CRYBG1: variants seen among roughly 807,000 people sequenced by gnomAD.
CRYBG1 encodes crystallin beta-gamma domain containing 1.
Under a neutral mutation model 189.2 loss-of-function variants are expected in CRYBG1, and 139 were observed. That is an observed-to-expected ratio of 0.73 (90% CI 0.64 to 0.85). The LOEUF (loss-of-function observed/expected upper bound fraction) is 0.85, where lower values mean the gene tolerates loss of function less well. Among genes scored for constraint, CRYBG1 ranks in the 40% least tolerant of loss-of-function variants. The pLI is 0.00. For missense variants in CRYBG1, 2,611 were observed against 2,675.8 expected, an observed-to-expected ratio of 0.98 and a Z score of 0.53; for synonymous variants, 1,023 against 1,017.1, an observed-to-expected ratio of 1.01 and a Z score of -0.11.
intron 13 of CRYBG1, 76 bp from the exon 14 acceptor site, chr6:106,551,776 T>C: frequency 6.9e-7 from 1 of 1,445,704 alleles, no homozygotes; most frequent in Non-Finnish European, 9.6e-7. Flanking sequence ...TTCTGTATGA[T>C]ACATAGATAT....
At chr6:106,560,571 C>T (rs1284598538) in intron 18 of CRYBG1, among the ~76,000 whole-genome samples, 3 of 152,152 alleles carry the variant, frequency 2.0e-5, no homozygotes, top group African/African-American at 7.2e-5. Context: ...AAAAAACTTA[C>T]CTATTTCTCT....
At chr6:106,517,622 C>G (rs1004016761) in intron 3 of CRYBG1, among the ~76,000 whole-genome samples, 3 of 151,932 alleles carry the variant, frequency 2.0e-5, no homozygotes, top group African/African-American at 7.2e-5. Context: ...GAGTGGACAG[C>G]CCCATCCTCA....
intron 1 of CRYBG1, among the ~76,000 whole-genome samples, chr6:106,447,570 A>C (rs1167250905): frequency 6.5e-5 from 9 of 138,822 alleles, no homozygotes; most frequent in South Asian, 2.4e-4. Flanking sequence ...ATATATATAT[A>C]TATCTACTAT....
chr6:106,486,049 G>A lies in CRYBG1; in HGVS notation c.313-25381G>A, dbSNP rs189581046. Among the ~76,000 whole-genome samples, 6 of 152,170 alleles carry A rather than the reference G, an allele frequency of 3.9e-5. No individual in the cohort carries two copies. The East Asian group carries it at 1.2e-3, about 29-fold the overall frequency. ...TCTAGTTCACTGGGGTACATGGTTA[G>A]GTTATTTATTAGAAATCTTTCCTCT... On this transcript the variant is annotated intron_variant, in intron 2 of 21. Coordinates refer to ENST00000633556, the MANE Select transcript of CRYBG1 (RefSeq NM_001371242.2).
rs566605436 is a variant in CRYBG1 at position 106,514,699 on chromosome 6, C to G, written c.1922+1660C>G. 3.7e-3 allele frequency among the ~76,000 whole-genome samples: 559 copies of G among 152,310 alleles called. 3 individuals carry two copies. Among genetic ancestry groups the G allele is most frequent in the African/African-American group, 0.012 (513 of 41,566 alleles). On this transcript the variant is annotated intron_variant, in intron 3 of 21. Coordinates refer to ENST00000633556, the MANE Select transcript of CRYBG1 (RefSeq NM_001371242.2). ...CAATTAGAAGACACCAGTAGAAAAACCAGAAATGTTACACTGTGAAATAGT... is the reference window on the plus strand; with the variant it reads ...CAATTAGAAGACACCAGTAGAAAAAGCAGAAATGTTACACTGTGAAATAGT...
In CRYBG1 at chr6:106,519,439, T is replaced by A; in HGVS notation, c.2231T>A (p.Val744Asp). The A allele has an allele frequency of 6.2e-7, 1 of 1,614,006 alleles. No individual in the cohort carries two copies. Among genetic ancestry groups the A allele is most frequent in the Non-Finnish European group, 8.5e-7 (1 of 1,180,020 alleles). ...MPNSPQNGVL[V>D]KETAIETKVT... ...AACAGTCCCCAGAATGGTGTGCTGG[T>A]TAAGGAAACTGCTATAGAAACCAAA... is the stretch of plus-strand genomic sequence containing the variant. Residue 744 changes from valine (V) to aspartate (D), a missense_variant, in exon 4 of 22, where the codon GTT becomes GAT. By Grantham distance (152) the Val-to-Asp change is radical. Transcript: ENST00000633556.
Position 106,512,304 on chromosome 6 carries a change from T to C in CRYBG1, c.1187T>C (p.Ile396Thr), listed in dbSNP as rs1426258573. ...EGAQVDEPVV[I>T]TPRAEDCGDW... ...GCACAAGTGGACGAGCCGGTCGTGA[T>C]TACTCCCAGAGCGGAAGATTGCGGT... Residue 396 changes from isoleucine to threonine, a missense_variant, in exon 3 of 22, where the codon ATT becomes ACT. By Grantham distance (89) the Ile-to-Thr change is moderately conservative. Around this residue, in one of 3 missense-constraint regions of CRYBG1, gnomAD observed 985 missense variants for 924.4 expected, o/e 1.07. Transcript: ENST00000633556. 6.3e-7 allele frequency: 1 copy of C among 1,596,388 alleles called. No homozygotes were observed. Among genetic ancestry groups the C allele is most frequent in the African/African-American group, 1.3e-5 (1 of 74,840 alleles).
intron 9 of CRYBG1, among the ~76,000 whole-genome samples, chr6:106,540,298 G>A (rs1279377958): frequency 6.6e-6 from 1 of 152,218 alleles, no homozygotes; most frequent in African/African-American, 2.4e-5. Context: ...ACAGTGAGAT[G>A]AGGCTCCCAT....
intron 2 of CRYBG1, among the ~76,000 whole-genome samples, chr6:106,501,572 A>G (rs2114510196): frequency 6.6e-6 from 1 of 152,354 alleles, no homozygotes; most frequent in African/African-American, 2.4e-5. Context: ...ACTGTTAATA[A>G]AGCCAGCCAT....
At position 106,368,409 on chromosome 6, in the gene CRYBG1, G is replaced by A. The variant is rs563259388; in HGVS notation, c.173+7328G>A. On this transcript the variant is annotated intron_variant, in intron 1 of 21. Transcript: ENST00000633556. ...TGTGTCTGGTCAACATGAGAAGATC[G>A]TTTGAAGCTTGAATGGTGTGTTCTT... 8.5e-5 allele frequency among the ~76,000 whole-genome samples: 13 copies of A among 152,278 alleles called. No individual in the cohort carries two copies. The East Asian group carries it at 9.6e-4, about 11-fold the overall frequency.
chr6:106,549,110 A>G (rs900058665), intron 13 of CRYBG1, among the ~76,000 whole-genome samples: 1 of 151,876 alleles, frequency 6.6e-6, no homozygotes, highest in African/African-American at 2.4e-5. Context: ...TCCATGGTGT[A>G]TATGTGCCAC....
At chr6:106,450,949 G>A (rs1207928656) in intron 1 of CRYBG1, among the ~76,000 whole-genome samples, 1 of 152,206 alleles carries the variant, frequency 6.6e-6, no homozygotes, top group Non-Finnish European at 1.5e-5. Flanking sequence ...ATGGGCATTT[G>A]CCTAAATCAG....
At chr6:106,440,802 C>T (rs542448363) in intron 1 of CRYBG1, among the ~76,000 whole-genome samples, 1 of 152,306 alleles carries the variant, frequency 6.6e-6, no homozygotes, top group South Asian at 2.1e-4. Context: ...CCCACCATCT[C>T]TTTCTGATGA....
At chr6:106,482,292 A>G (rs1252444359) in intron 2 of CRYBG1, among the ~76,000 whole-genome samples, 1 of 152,238 alleles carries the variant, frequency 6.6e-6, no homozygotes, top group Non-Finnish European at 1.5e-5. Context: ...AGGCCTACTC[A>G]GGATAATCTC....
At chr6:106,549,225 G>T (rs1234291620) in intron 13 of CRYBG1, among the ~76,000 whole-genome samples, 1 of 152,130 alleles carries the variant, frequency 6.6e-6, no homozygotes, top group Non-Finnish European at 1.5e-5. Context: ...CATGCTGGGG[G>T]TAAAGCCTGA....
chr6:106,464,233 A>G (rs1331615625), intron 2 of CRYBG1, among the ~76,000 whole-genome samples: 1 of 151,912 alleles, frequency 6.6e-6, no homozygotes, highest in Non-Finnish European at 1.5e-5. Context: ...AGTGGCTCAC[A>G]CCTGTCATCC....
At chr6:106,382,089 G>A (rs377400295) in intron 1 of CRYBG1, among the ~76,000 whole-genome samples, 1 of 152,174 alleles carries the variant, frequency 6.6e-6, no homozygotes, top group Non-Finnish European at 1.5e-5. Flanking sequence ...ACAAAGGCAT[G>A]CAACAGCCAG....
chr6:106,477,701 G>T (rs1772359970), intron 2 of CRYBG1, among the ~76,000 whole-genome samples: 1 of 152,244 alleles, frequency 6.6e-6, no homozygotes, highest in South Asian at 2.1e-4. Context: ...ATGGACAACG[G>T]TTCCGTTCGT....
At chr6:106,373,037 C>G (rs75863611) in intron 1 of CRYBG1, among the ~76,000 whole-genome samples, 8,477 of 152,118 alleles carry the variant, frequency 0.056, 389 homozygotes, top group East Asian at 0.16. Flanking sequence ...GGGGAGGTAA[C>G]TAGCTAATGA....
Sources: gnomAD v4.1 joint callset for allele counts (sites outside exome capture counted in the v4.1 genomes callset) on GRCh38, gnomAD v4.1.1 for gene constraint, gnomAD v4.1.1 regional missense constraint, MANE v1.5 for transcripts, NCBI Gene and HGNC (gene_info 2026-07-23, HGNC 2026-07-21) for gene names.